The following OTUD7A variants were observed in gnomAD, a reference collection of about 807,000 sequenced individuals.
OTUD7A encodes the protein OTU deubiquitinase 7A.
Under a neutral mutation model 65.7 loss-of-function variants are expected in OTUD7A, and 12 were observed. The observed-to-expected ratio is 0.18, with a 90% CI of 0.12 to 0.30. OTUD7A has a LOEUF of 0.30. Among genes scored for constraint, OTUD7A ranks in the 10% least tolerant of loss-of-function variants. The probability of loss-of-function intolerance (pLI) is 1.00; values close to 1 mark genes in which losing one functional copy is unlikely to be tolerated. For missense variants in OTUD7A, 1,148 were observed against 1,304.8 expected, an observed-to-expected ratio of 0.88 and a Z score of 1.85; for synonymous variants, 641 against 586.3, an observed-to-expected ratio of 1.09 and a Z score of -1.35.
intron 1 of OTUD7A, chr15:31,768,129 G>C (rs906194990): frequency 1.3e-6 from 2 of 1,591,592 alleles, no homozygotes; most frequent in Non-Finnish European, 8.6e-7. Flanking sequence ...ATTCCTGCTC[G>C]AAAAGATGTG....
intron 3 of OTUD7A, among the ~76,000 whole-genome samples, chr15:31,626,953 A>AAAAAAAAAAGT (rs1282684182): frequency 7.5e-6 from 1 of 134,214 alleles, no homozygotes; most frequent in African/African-American, 3.3e-5. Flanking sequence ...TTTATTGTTA[A>AAAAAAAAAAGT]AAAAAAAAGT....
At chr15:31,812,894 T>C (rs952285135) in intron 1 of OTUD7A, among the ~76,000 whole-genome samples, 2 of 152,188 alleles carry the variant, frequency 1.3e-5, no homozygotes, top group Admixed American at 1.3e-4. Flanking sequence ...AAACATCTTC[T>C]AAAATATAAG....
intron 1 of OTUD7A, among the ~76,000 whole-genome samples, chr15:31,841,368 C>T (rs918673555): frequency 1.1e-4 from 16 of 152,168 alleles, no homozygotes; most frequent in African/African-American, 1.2e-4. Flanking sequence ...ATGTCCTCAG[C>T]GTCCAAGGCA....
At chr15:31,557,876 C>G (rs1001095370) in intron 5 of OTUD7A, 1 of 152,162 alleles carries the variant, frequency 6.6e-6, no homozygotes, top group Non-Finnish European at 1.5e-5. Context: ...AGCTCTACTC[C>G]CTAACAGTGC....
chr15:31,487,344 C>A lies in OTUD7A; in HGVS notation c.1287-66G>T. On this transcript the variant is annotated intron_variant, in intron 11 of 12. Coordinates refer to ENST00000307050, the MANE Select transcript of OTUD7A (RefSeq NM_001382637.1). This position sits in a 1 kb window ranked among gnomAD's most constrained non-coding sequence, Gnocchi z 6.0. The stretch of plus-strand genomic sequence containing the variant: ...GCCCTTATAGCACCCAGTCCACTTG[C>A]ATGCCAGCTGTCCCAGGAGGAGCAG... The A allele has an allele frequency of 6.3e-7, 1 of 1,587,764 alleles. No individual in the cohort carries two copies.
chr15:31,665,169 A>G (rs1254394550), intron 1 of OTUD7A, among the ~76,000 whole-genome samples: 1 of 152,160 alleles, frequency 6.6e-6, no homozygotes, highest in East Asian at 1.9e-4. Context: ...TACGAATTTT[A>G]GAATTGCTGT....
In OTUD7A at chr15:31,483,373, G is replaced by A. The variant is rs1411568470; in HGVS notation, c.2723C>T (p.Ala908Val). Residue 908 changes from alanine to valine, a missense_variant, in exon 13 of 13, where the codon GCC (alanine) becomes GTC (valine). By Grantham distance (64) the Ala-to-Val change is moderately conservative. Transcript: ENST00000307050. ...GTAGGAGCAGTAGTGCTCGGTCTCG[G>A]CGCGCCCGTAGAACGCACAGTTCTC... ...QRENCAFYGRAETEHYCSYCY... is the reference protein window; with the variant it reads ...QRENCAFYGRVETEHYCSYCY... The A allele has an allele frequency of 1.3e-5, 17 of 1,304,062 alleles. No homozygotes were observed. The highest frequency in any genetic ancestry group is 1.7e-5 in the Non-Finnish European group (17 of 1,023,888). The allele number at this position is 1,304,062 out of a possible 1,614,324, so 80.8% of individuals were successfully genotyped here.
intron 3 of OTUD7A, among the ~76,000 whole-genome samples, chr15:31,602,079 A>T (rs1261936479): frequency 6.6e-6 from 1 of 152,218 alleles, no homozygotes; most frequent in Non-Finnish European, 1.5e-5. Context: ...ATAGAAAAAG[A>T]GAGAGTCCTC....
chr15:31,812,661 A>T (rs1189960406), intron 1 of OTUD7A, among the ~76,000 whole-genome samples: 1 of 152,194 alleles, frequency 6.6e-6, no homozygotes, highest in Non-Finnish European at 1.5e-5. Flanking sequence ...TTCAAGAGAC[A>T]GAACACTCCA....
intron 1 of OTUD7A, among the ~76,000 whole-genome samples, chr15:31,684,722 A>C (rs1339289221): frequency 6.8e-6 from 1 of 147,708 alleles, no homozygotes; most frequent in Admixed American, 6.9e-5. Flanking sequence ...AGAGAGCCTG[A>C]GCAAGACAGA....
intron 8 of OTUD7A, among the ~76,000 whole-genome samples, chr15:31,523,901 C>T (rs1216616764): frequency 1.3e-5 from 2 of 152,328 alleles, no homozygotes; most frequent in African/African-American, 2.4e-5. Context: ...ACCCTGTTGG[C>T]GAGTCCTGCA....
chr15:31,788,726 TGGA>T lies in OTUD7A; in HGVS notation c.-100+81778_-100+81780del, dbSNP rs1401413010. 2.6e-5 allele frequency among the ~76,000 whole-genome samples: 4 copies of T among 152,212 alleles called. No individual in the cohort carries two copies. In the South Asian group the frequency reaches 8.3e-4, roughly 32 times the overall value. On this transcript the variant is annotated intron_variant, in intron 1 of 12. Transcript: ENST00000307050. ...TTTATAAACATTGCAGCAATGTGAA[TGGA>T]GGAGAGAAAAGGTACCCTTAGAACA...
chr15:31,714,720 C>A (rs1389664884), intron 1 of OTUD7A, among the ~76,000 whole-genome samples: 1 of 152,204 alleles, frequency 6.6e-6, no homozygotes, highest in African/African-American at 2.4e-5. Context: ...TGGCATTCAG[C>A]TGGACATTTG....
At chr15:31,533,449 C>A (rs1407654267) in intron 5 of OTUD7A, among the ~76,000 whole-genome samples, 2 of 152,098 alleles carry the variant, frequency 1.3e-5, no homozygotes, top group African/African-American at 4.8e-5. Flanking sequence ...GTTGGCCAGG[C>A]TAGTCTCGAA....
chr15:31,622,950 T>C (rs1890839182), intron 3 of OTUD7A, among the ~76,000 whole-genome samples: 1 of 152,226 alleles, frequency 6.6e-6, no homozygotes, highest in South Asian at 2.1e-4. Flanking sequence ...TTGGTGTGGA[T>C]GTCCTTTCTG....
At chr15:31,574,077 T>C (rs1247868830) in intron 3 of OTUD7A, among the ~76,000 whole-genome samples, 1 of 152,190 alleles carries the variant, frequency 6.6e-6, no homozygotes, top group East Asian at 1.9e-4. Flanking sequence ...GCTTGTTTTA[T>C]TGAGGCATAT....
chr15:31,841,763 T>C (rs544874133), intron 1 of OTUD7A, among the ~76,000 whole-genome samples: 8 of 152,238 alleles, frequency 5.3e-5, no homozygotes, highest in African/African-American at 1.9e-4. Flanking sequence ...TCAGAAAACT[T>C]CATGTACTCT....
In OTUD7A at chr15:31,482,267, C is replaced by A. The variant is rs1017144036; in HGVS notation, c.*1027G>T. On this transcript the variant is annotated 3_prime_UTR_variant, in exon 13 of 13. Coordinates refer to ENST00000307050, the MANE Select transcript of OTUD7A (RefSeq NM_001382637.1). ...GTCCCTTTACCTGGCTGAACCCAGACAGATGCAGGTGTGGGGGTGGGCTTC... is the reference window on the plus strand; with the variant it reads ...GTCCCTTTACCTGGCTGAACCCAGAAAGATGCAGGTGTGGGGGTGGGCTTC... The A allele has an allele frequency of 6.6e-6, 1 of 152,430 alleles. No individual in the cohort carries two copies. Among genetic ancestry groups the A allele is most frequent in the African/African-American group, 2.4e-5 (1 of 41,468 alleles). 9.4% of individuals were successfully genotyped at this position (152,430 alleles called of 1,614,324 possible).
intron 1 of OTUD7A, among the ~76,000 whole-genome samples, chr15:31,711,510 C>A (rs945340734): frequency 2.7e-5 from 4 of 150,124 alleles, no homozygotes; most frequent in African/African-American, 7.4e-5. Context: ...CTATAAATCA[C>A]CTTGAAGACA....
Sources: allele counts gnomAD v4.1 joint callset (sites outside exome capture counted in the v4.1 genomes callset), GRCh38; gene constraint gnomAD v4.1.1; non-coding constraint Gnocchi (gnomAD v3.1); transcripts MANE v1.5; gene names NCBI Gene and HGNC (gene_info 2026-07-23, HGNC 2026-07-21).